Variants in COMMD10 observed in about 807,000 individuals in gnomAD.
The protein encoded by COMMD10 is COMM domain containing 10.
Under a neutral mutation model 28.9 loss-of-function variants are expected in COMMD10, and 33 were observed. That is an observed-to-expected ratio of 1.14 (90% confidence interval 0.87 to 1.53). COMMD10 has a LOEUF of 1.53. COMMD10 is among the 40% of genes most tolerant of loss of function. The pLI, the probability that COMMD10 is intolerant of heterozygous loss-of-function variation, is 0.00. For missense variants in COMMD10, 310 were observed against 233.4 expected (o/e 1.33, Z -2.14); for synonymous variants, 110 against 81.7 (o/e 1.35, Z -1.87).
At chr5:116,147,149 G>T (rs1272718861) in intron 5 of COMMD10, among the ~76,000 whole-genome samples, 1 of 151,662 alleles carries the variant, frequency 6.6e-6, no homozygotes, top group Non-Finnish European at 1.5e-5. Flanking sequence ...TGTGTATCTG[G>T]ATGATGTATT....
chr5:116,257,687 C>G (rs930610912), intron 5 of COMMD10, among the ~76,000 whole-genome samples: 1 of 151,492 alleles, frequency 6.6e-6, no homozygotes, highest in Non-Finnish European at 1.5e-5. Context: ...GCGATCAGCT[C>G]TTTTCAAAAT....
chr5:116,278,074 G>A (rs1447704942), intron 5 of COMMD10, among the ~76,000 whole-genome samples: 1 of 151,718 alleles, frequency 6.6e-6, no homozygotes, highest in African/African-American at 2.4e-5. Flanking sequence ...AGTAACACAT[G>A]TCTTGAGAAG....
intron 4 of COMMD10, among the ~76,000 whole-genome samples, chr5:116,103,897 A>T (rs551888880): frequency 6.6e-6 from 1 of 152,204 alleles, no homozygotes; most frequent in Non-Finnish European, 1.5e-5. Flanking sequence ...ACCATTTATT[A>T]CATAGGGAAT....
intron 4 of COMMD10, among the ~76,000 whole-genome samples, chr5:116,118,753 G>A (rs1401265049): frequency 6.7e-6 from 1 of 149,262 alleles, no homozygotes; most frequent in African/African-American, 2.5e-5. Context: ...AATTCTCCAG[G>A]AAAAAAAAAA....
At chr5:116,212,478 A>G (rs1240004861) in intron 5 of COMMD10, among the ~76,000 whole-genome samples, 4 of 25,148 alleles carry the variant, frequency 1.6e-4, no homozygotes, top group African/African-American at 2.7e-4. Flanking sequence ...GGTTCCAGTG[A>G]CAGAAGGTAC....
chr5:116,104,515 A>T (rs922688862), intron 4 of COMMD10, among the ~76,000 whole-genome samples: 1 of 152,132 alleles, frequency 6.6e-6, no homozygotes, highest in African/African-American at 2.4e-5. Flanking sequence ...GACTTTGCTG[A>T]AGTTGCTCAT....
chr5:116,164,364 C>T (rs1482745711), intron 5 of COMMD10, among the ~76,000 whole-genome samples: 1 of 152,078 alleles, frequency 6.6e-6, no homozygotes, highest in Non-Finnish European at 1.5e-5. Context: ...GGATTAATTT[C>T]TATTTTGTAT....
At chr5:116,219,836 T>G (rs1018570917) in intron 5 of COMMD10, among the ~76,000 whole-genome samples, 2 of 152,214 alleles carry the variant, frequency 1.3e-5, no homozygotes, top group Non-Finnish European at 1.5e-5. Context: ...GCTTTCTAAT[T>G]TGTGAAAAAA....
chr5:116,130,768 C>A (rs181831728), intron 4 of COMMD10, among the ~76,000 whole-genome samples: 69 of 152,062 alleles, frequency 4.5e-4, no homozygotes, highest in African/African-American at 1.7e-3. Flanking sequence ...GGTTTGCAGG[C>A]TAGCCTTTGT....
chr5:116,152,831 T>A (rs1752576898), intron 5 of COMMD10, among the ~76,000 whole-genome samples: 1 of 152,102 alleles, frequency 6.6e-6, no homozygotes, highest in Admixed American at 6.6e-5. Flanking sequence ...TAAGAAAATA[T>A]GAGAATTATA....
At chr5:116,214,478 C>T (rs777088340) in intron 5 of COMMD10, among the ~76,000 whole-genome samples, 2 of 152,104 alleles carry the variant, frequency 1.3e-5, no homozygotes, top group African/African-American at 2.4e-5. Flanking sequence ...TTAATTGTTA[C>T]AGGCACTTTT....
intron 5 of COMMD10, among the ~76,000 whole-genome samples, chr5:116,275,392 A>T (rs1233487997): frequency 6.6e-6 from 1 of 151,802 alleles, no homozygotes; most frequent in African/African-American, 2.4e-5. Context: ...ATCAGATTAG[A>T]TATCAGTTCT....
chr5:116,276,155 CTT>C (rs570870104), intron 5 of COMMD10, among the ~76,000 whole-genome samples: 2 of 151,230 alleles, frequency 1.3e-5, no homozygotes, highest in East Asian at 3.9e-4. Context: ...TCAGAAGAGT[CTT>C]AAAGTATCAG....
intron 5 of COMMD10, among the ~76,000 whole-genome samples, chr5:116,153,893 C>G (rs556566958): frequency 6.6e-6 from 1 of 152,132 alleles, no homozygotes; most frequent in South Asian, 2.1e-4. Context: ...GAGAATTGTT[C>G]CTGTTTTTTT....
intron 4 of COMMD10, among the ~76,000 whole-genome samples, chr5:116,122,413 C>T (rs995220784): frequency 7.9e-5 from 12 of 152,148 alleles, no homozygotes; most frequent in Non-Finnish European, 1.6e-4. Flanking sequence ...AGTCCGGTAA[C>T]GTGATGCCTC....
chr5:116,273,114 G>T (rs1057446116), intron 5 of COMMD10, among the ~76,000 whole-genome samples: 3 of 151,708 alleles, frequency 2.0e-5, no homozygotes, highest in African/African-American at 7.3e-5. Flanking sequence ...GAAGAATTCA[G>T]TTTGCTCTGA....
intron 5 of COMMD10, chr5:116,218,332 G>C (rs1397582111): frequency 4.5e-6 from 3 of 668,522 alleles, no homozygotes; most frequent in Non-Finnish European, 8.4e-6. Flanking sequence ...ATAGGCACTG[G>C]GCGTAGGATG....
chr5:116,116,307 CTT>C (rs1751231869), intron 4 of COMMD10, among the ~76,000 whole-genome samples: 1 of 152,034 alleles, frequency 6.6e-6, no homozygotes, highest in African/African-American at 2.4e-5. Flanking sequence ...CTTATGTTCT[CTT>C]GTTTTATTAT....
intron 5 of COMMD10, among the ~76,000 whole-genome samples, chr5:116,158,813 A>G (rs745715904): frequency 6.6e-6 from 1 of 151,118 alleles, no homozygotes; most frequent in Non-Finnish European, 1.5e-5. Flanking sequence ...TTAAGAATTA[A>G]TGTACATTAT....
Sources: allele counts gnomAD v4.1 joint callset (sites outside exome capture counted in the v4.1 genomes callset), GRCh38; gene constraint gnomAD v4.1.1; transcripts MANE v1.5; gene names NCBI Gene and HGNC (gene_info 2026-07-23, HGNC 2026-07-21).